RGL1: variants seen among roughly 807,000 people sequenced by gnomAD.
RGL1 encodes ral guanine nucleotide dissociation stimulator like 1, also known as ral guanine nucleotide dissociation stimulator-like 1.
In RGL1, 24 loss-of-function variants were observed where a neutral mutation model predicts 95.2. The ratio of observed to expected loss-of-function variants is 0.25; its 90% CI spans 0.18 to 0.35. RGL1 has a LOEUF of 0.35. Among genes scored for constraint, RGL1 ranks in the 10% least tolerant of loss-of-function variants. The probability of loss-of-function intolerance (pLI) is 1.00; values close to 1 mark genes in which losing one functional copy is unlikely to be tolerated. For missense variants in RGL1, 715 were observed against 936.3 expected (o/e 0.76, Z 3.08); for synonymous variants, 329 against 344.9 (o/e 0.95, Z 0.51).
At chr1:183,636,895 G>T (rs1372708016) in intron 1 of RGL1, among the ~76,000 whole-genome samples, 2 of 152,174 alleles carry the variant, frequency 1.3e-5, no homozygotes, top group African/African-American at 4.8e-5. Context: ...AATTAATTTG[G>T]ACATTTGGCT....
At chr1:183,816,087 TTGTA>T (rs1662067934) in intron 2 of RGL1, among the ~76,000 whole-genome samples, 1 of 152,226 alleles carries the variant, frequency 6.6e-6, no homozygotes, top group African/African-American at 2.4e-5. Context: ...ATAACATCTA[TTGTA>T]TTTTATCTCT....
intron 2 of RGL1, among the ~76,000 whole-genome samples, chr1:183,769,563 TAATA>T (rs1366387732): frequency 6.6e-6 from 1 of 152,236 alleles, no homozygotes; most frequent in Non-Finnish European, 1.5e-5. Flanking sequence ...ACATATAACA[TAATA>T]AATGTTACAC....
chr1:183,846,121 T>C (rs996595080), intron 2 of RGL1, among the ~76,000 whole-genome samples: 4 of 152,152 alleles, frequency 2.6e-5, no homozygotes, highest in Non-Finnish European at 5.9e-5. Context: ...CTGTTCACAA[T>C]AGCAAAGACT....
In RGL1 at chr1:183,638,753, A is replaced by ACTGGTTTACAGGTTATT. The variant is rs1227209434; in HGVS notation, c.-33+2252_-33+2253insCTGGTTTACAGGTTATT. On this transcript the variant is annotated intron_variant, in intron 1 of 18. Transcript: ENST00000304685. ...TTAAGACATTTTACTTGTTGTGCAA[A>ACTGGTTTACAGGTTATT]TAACCTGGTTTGGTTCAATACTGAA... is the stretch of plus-strand genomic sequence containing the variant. Among the ~76,000 whole-genome samples, 5 of 152,318 alleles carry ACTGGTTTACAGGTTATT rather than the reference A, an allele frequency of 3.3e-5. No individual in the cohort carries two copies. In the South Asian group the frequency reaches 1.0e-3, roughly 32 times the overall value.
intron 3 of RGL1, among the ~76,000 whole-genome samples, chr1:183,852,036 AT>A (rs1369765507): frequency 1.3e-5 from 2 of 152,210 alleles, no homozygotes; most frequent in African/African-American, 4.8e-5. Context: ...TAGTTTGCTT[AT>A]CTGTTGTGAA....
intron 1 of RGL1, among the ~76,000 whole-genome samples, chr1:183,675,604 T>C (rs1434244535): frequency 6.6e-6 from 1 of 152,202 alleles, no homozygotes; most frequent in Non-Finnish European, 1.5e-5. Context: ...TCACAGCCCA[T>C]GATGGGATAC....
intron 2 of RGL1, among the ~76,000 whole-genome samples, chr1:183,789,706 A>G (rs1660353132): frequency 6.6e-6 from 1 of 152,104 alleles, no homozygotes; most frequent in Admixed American, 6.5e-5. Flanking sequence ...TAATTGGAAT[A>G]TAGGTTTGGC....
chr1:183,674,949 G>C (rs529312148), intron 1 of RGL1, among the ~76,000 whole-genome samples: 2 of 152,308 alleles, frequency 1.3e-5, no homozygotes, highest in East Asian at 3.9e-4. Context: ...TGTCCCAGAA[G>C]TTGCCTTTGA....
At chr1:183,670,593 G>C (rs1165593396) in intron 1 of RGL1, among the ~76,000 whole-genome samples, 1 of 152,158 alleles carries the variant, frequency 6.6e-6, no homozygotes, top group Non-Finnish European at 1.5e-5. Flanking sequence ...TCCTGTGGAG[G>C]TTTTTGCCTG....
At position 183,888,959 on chromosome 1, in the gene RGL1, G is replaced by T. The variant is rs556834435; in HGVS notation, c.1055+382G>T. The stretch of plus-strand genomic sequence containing the variant: ...TAGGACTCAAGGGGTAATGTGTGCA[G>T]ATAGGACATTAGTTCTTGATGTTCA... On this transcript the variant is annotated intron_variant, in intron 8 of 17. Transcript: ENST00000360851. Among the ~76,000 whole-genome samples the T allele has an allele frequency of 7.9e-5, 12 of 152,300 alleles. No individual in the cohort carries two copies. In the South Asian group the frequency reaches 2.5e-3, roughly 32 times the overall value.
chr1:183,818,108 TGG>T (rs1662208234), intron 2 of RGL1, among the ~76,000 whole-genome samples: 1 of 152,152 alleles, frequency 6.6e-6, no homozygotes, highest in Non-Finnish European at 1.5e-5. Flanking sequence ...TTTAGATGAC[TGG>T]GATAAAAAGT....
At chr1:183,913,103 T>A (rs769355353) in intron 15 of RGL1, among the ~76,000 whole-genome samples, 2 of 152,000 alleles carry the variant, frequency 1.3e-5, no homozygotes, top group Non-Finnish European at 2.9e-5. Context: ...CCGTCGAGTT[T>A]CTATTTTCTG....
intron 15 of RGL1, 37 bp downstream of exon 15, chr1:183,912,305 G>A: frequency 6.5e-7 from 1 of 1,540,964 alleles, no homozygotes; most frequent in Admixed American, 1.7e-5. Context: ...CCTAATGCAG[G>A]CACCTACATG....
At chr1:183,719,214 A>T (rs935087481) in intron 1 of RGL1, among the ~76,000 whole-genome samples, 1 of 152,094 alleles carries the variant, frequency 6.6e-6, no homozygotes, top group East Asian at 1.9e-4. Context: ...ATTCTTTCCT[A>T]CTTGCTTTAT....
chr1:183,839,597 TTA>T, intron 2 of RGL1, among the ~76,000 whole-genome samples: 1 of 152,332 alleles, frequency 6.6e-6, no homozygotes, highest in East Asian at 1.9e-4. Context: ...TTTTCCAACT[TTA>T]AAACTGTCCT....
At chr1:183,787,369 C>T (rs1372249479) in intron 2 of RGL1, among the ~76,000 whole-genome samples, 1 of 152,184 alleles carries the variant, frequency 6.6e-6, no homozygotes. Flanking sequence ...AGGCTCACAG[C>T]ATTCAGTACT....
chr1:183,878,150 T>TTCTATCTGTCTA (rs1553300664), intron 4 of RGL1, among the ~76,000 whole-genome samples: 3 of 111,552 alleles, frequency 2.7e-5, no homozygotes, highest in Non-Finnish European at 5.9e-5. Context: ...TTGATTTTCT[T>TTCTATCTGTCTA]TCTATCTATC....
chr1:183,740,739 G>C (rs1381203209), intron 1 of RGL1, among the ~76,000 whole-genome samples: 1 of 152,120 alleles, frequency 6.6e-6, no homozygotes, highest in East Asian at 1.9e-4. Context: ...TTAAAAGGAA[G>C]AGGTAACCTG....
At chr1:183,830,755 A>C (rs1663204772) in intron 2 of RGL1, among the ~76,000 whole-genome samples, 1 of 152,192 alleles carries the variant, frequency 6.6e-6, no homozygotes, top group South Asian at 2.1e-4. Context: ...TGGTCTTCAA[A>C]AAAATCTCAG....
Sources: allele counts gnomAD v4.1 joint callset (sites outside exome capture counted in the v4.1 genomes callset), GRCh38; gene constraint gnomAD v4.1.1; transcripts MANE v1.5; gene names NCBI Gene and HGNC (gene_info 2026-07-23, HGNC 2026-07-21).